The following ASTN2 variants were observed in gnomAD, a reference collection of about 807,000 sequenced individuals.
ASTN2 encodes astrotactin-2.
In ASTN2, 54 loss-of-function variants were observed where a neutral mutation model predicts 139.8. The ratio of observed to expected loss-of-function variants is 0.39; its 90% CI spans 0.31 to 0.48. The LOEUF is 0.48. Among genes scored for constraint, ASTN2 ranks in the 20% least tolerant of loss-of-function variants. The pLI is 0.95. For missense variants in ASTN2, 1,565 were observed against 1,725.1 expected (o/e 0.91, Z 1.64); for synonymous variants, 756 against 719.5 (o/e 1.05, Z -0.81).
intron 10 of ASTN2, among the ~76,000 whole-genome samples, chr9:116,967,067 A>G (rs1297044363): frequency 1.3e-5 from 2 of 152,210 alleles, no homozygotes; most frequent in African/African-American, 4.8e-5. Flanking sequence ...GTAAATAACA[A>G]TAACTACATC....
intron 19 of ASTN2, among the ~76,000 whole-genome samples, chr9:116,514,653 C>T (rs1850559035): frequency 1.3e-5 from 2 of 152,154 alleles, no homozygotes. Context: ...TGGGCTTTAC[C>T]CAGTTTGAGC....
chr9:116,991,050 G>A (rs1481399673), intron 7 of ASTN2, among the ~76,000 whole-genome samples: 1 of 152,138 alleles, frequency 6.6e-6, no homozygotes, highest in Non-Finnish European at 1.5e-5. Flanking sequence ...CCATTTTCTG[G>A]TAGAAACTCA....
At chr9:117,095,933 G>C in intron 5 of ASTN2, 111 bp downstream of exon 5, 1 of 982,996 alleles carries the variant, frequency 1.0e-6, no homozygotes, top group Non-Finnish European at 1.6e-6. Flanking sequence ...GTTTTAACCA[G>C]ATGGGGACCA....
At chr9:116,736,650 A>T (rs1318939768) in intron 13 of ASTN2, among the ~76,000 whole-genome samples, 1 of 152,234 alleles carries the variant, frequency 6.6e-6, no homozygotes, top group African/African-American at 2.4e-5. Flanking sequence ...CGCAAATGCC[A>T]CAAAATAGGC....
At chr9:117,222,111 C>A (rs1215906598) in intron 2 of ASTN2, among the ~76,000 whole-genome samples, 1 of 152,146 alleles carries the variant, frequency 6.6e-6, no homozygotes, top group East Asian at 1.9e-4. Context: ...ATCTTCCAGG[C>A]TTTATTCCTC....
chr9:117,271,783 A>C (rs1248743206), intron 2 of ASTN2, among the ~76,000 whole-genome samples: 1 of 152,220 alleles, frequency 6.6e-6, no homozygotes, highest in Non-Finnish European at 1.5e-5. Flanking sequence ...CCAGATCTCA[A>C]ATCCAGGTCA....
At chr9:117,363,939 A>G (rs774609533) in intron 1 of ASTN2, among the ~76,000 whole-genome samples, 3 of 152,194 alleles carry the variant, frequency 2.0e-5, no homozygotes, top group Admixed American at 6.5e-5. Context: ...CTCATCCGCA[A>G]GCGTGGGCTG....
intron 1 of ASTN2, among the ~76,000 whole-genome samples, chr9:117,359,606 T>C (rs1829639280): frequency 1.3e-5 from 2 of 152,210 alleles, no homozygotes; most frequent in South Asian, 4.1e-4. Context: ...TTGAACCATA[T>C]GGTTCTTGAA....
At chr9:117,146,349 T>C (rs7868099) in intron 3 of ASTN2, among the ~76,000 whole-genome samples, 23,000 of 151,626 alleles carry the variant, frequency 0.15, 2,023 homozygotes, top group East Asian at 0.42. Context: ...CTCTTTCTAA[T>C]TGACATATAA....
intron 1 of ASTN2, among the ~76,000 whole-genome samples, chr9:117,325,829 G>A (rs1828495508): frequency 6.6e-6 from 1 of 152,178 alleles, no homozygotes; most frequent in Admixed American, 6.5e-5. Context: ...AGACCTGAAG[G>A]GGTCCTTAAT....
At chr9:116,483,734 G>T in intron 20 of ASTN2, among the ~76,000 whole-genome samples, 1 of 152,142 alleles carries the variant, frequency 6.6e-6, no homozygotes, top group East Asian at 1.9e-4. Flanking sequence ...TGGAAGGGCA[G>T]GAGCTCAGGA....
chr9:117,029,379 C>A (rs984606985), intron 6 of ASTN2, among the ~76,000 whole-genome samples: 2 of 152,150 alleles, frequency 1.3e-5, no homozygotes, highest in Non-Finnish European at 2.9e-5. Flanking sequence ...CTGCAATCAT[C>A]CATTGCCCTT....
chr9:116,657,837 T>C (rs756428777), intron 16 of ASTN2, among the ~76,000 whole-genome samples: 5 of 149,238 alleles, frequency 3.4e-5, no homozygotes, highest in African/African-American at 7.4e-5. Flanking sequence ...TGAGAACCTG[T>C]CTCAAAAAAA....
At chr9:116,914,574 T>A (rs1173035384) in intron 10 of ASTN2, among the ~76,000 whole-genome samples, 5 of 104,140 alleles carry the variant, frequency 4.8e-5, no homozygotes, top group Admixed American at 2.8e-4. Context: ...TATTATTATT[T>A]ATATATATTT....
intron 19 of ASTN2, among the ~76,000 whole-genome samples, chr9:116,525,125 A>C (rs1169716793): frequency 6.6e-6 from 1 of 152,182 alleles, no homozygotes; most frequent in Non-Finnish European, 1.5e-5. Context: ...TCTCAGACGG[A>C]GATGAGGAAC....
chr9:117,085,692 CA>C (rs1284108953), intron 5 of ASTN2, among the ~76,000 whole-genome samples: 2 of 152,326 alleles, frequency 1.3e-5, no homozygotes, highest in East Asian at 3.9e-4. Flanking sequence ...CAGCCCCTCC[CA>C]GGCTACCTTT....
rs112328061 is a variant in ASTN2, at chr9:116,801,819, A to T, written c.2396+3813T>A. Among the ~76,000 whole-genome samples, 788 of 152,090 alleles carry T rather than the reference A, an allele frequency of 5.2e-3. 9 individuals are homozygous for T. The highest frequency in any genetic ancestry group is 0.018 in the African/African-American group (736 of 41,504). ...CTTAAATGGAATAGATTGCTCTAAT[A>T]TAATGGTGGTAGTCTTGGGAGTTTT... On this transcript the variant is annotated intron_variant, in intron 13 of 22. Transcript: ENST00000313400.
intron 2 of ASTN2, among the ~76,000 whole-genome samples, chr9:117,245,225 C>A (rs764765430): frequency 6.1e-4 from 93 of 152,292 alleles, no homozygotes; most frequent in Middle Eastern, 3.4e-3. Flanking sequence ...ATTAGATGTG[C>A]CCAGTGCTAC....
At chr9:116,593,967 C>T (rs1372186388) in intron 19 of ASTN2, among the ~76,000 whole-genome samples, 3 of 152,198 alleles carry the variant, frequency 2.0e-5, no homozygotes, top group Admixed American at 1.3e-4. Flanking sequence ...AGTTCAAACT[C>T]ACTTTGCGCT....
Sources: allele counts gnomAD v4.1 joint callset (sites outside exome capture counted in the v4.1 genomes callset), GRCh38; gene constraint gnomAD v4.1.1; transcripts MANE v1.5; gene names NCBI Gene and HGNC (gene_info 2026-07-23, HGNC 2026-07-21).